ANGPT1: variants seen among roughly 807,000 people sequenced by gnomAD.
ANGPT1 encodes angiopoietin-1.
ANGPT1 carries 17 observed loss-of-function variants against 62.2 expected under a neutral mutation model. The observed-to-expected ratio is 0.27, with a 90% CI of 0.19 to 0.41. The LOEUF (loss-of-function observed/expected upper bound fraction) is 0.41. ANGPT1 is among the 10% of genes least tolerant of loss of function. The probability of loss-of-function intolerance (pLI) is 1.00; values close to 1 mark genes in which losing one functional copy is unlikely to be tolerated. For missense variants in ANGPT1, 478 were observed against 594.9 expected (o/e 0.80, Z 2.04); for synonymous variants, 199 against 198.9 (o/e 1.00, Z 0.00).
At chr8:107,347,842 C>A (rs1235278241) in intron 1 of ANGPT1, among the ~76,000 whole-genome samples, 1 of 152,068 alleles carries the variant, frequency 6.6e-6, no homozygotes, top group Non-Finnish European at 1.5e-5. Flanking sequence ...AATATTTAGT[C>A]CTTTATGGTG....
chr8:107,416,950 T>C (rs1416521063), intron 1 of ANGPT1, among the ~76,000 whole-genome samples: 1 of 151,822 alleles, frequency 6.6e-6, no homozygotes, highest in African/African-American at 2.4e-5. Context: ...CGCCACCATC[T>C]TGGCTAATTT....
intron 3 of ANGPT1, among the ~76,000 whole-genome samples, chr8:107,331,856 T>C (rs1815429090): frequency 6.6e-6 from 1 of 152,138 alleles, no homozygotes. Context: ...CTCAGCACAA[T>C]CAAGAAAGCC....
intron 5 of ANGPT1, 80 bp downstream of exon 5, chr8:107,303,160 A>G: frequency 1.3e-6 from 2 of 1,502,096 alleles, no homozygotes; most frequent in Non-Finnish European, 9.2e-7. Flanking sequence ...CAGTTTAACA[A>G]GCTCACAAAT....
intron 5 of ANGPT1, among the ~76,000 whole-genome samples, chr8:107,299,486 A>G (rs1262259676): frequency 2.1e-5 from 3 of 143,596 alleles, no homozygotes; most frequent in African/African-American, 5.0e-5. Flanking sequence ...AAGCATATAT[A>G]TACTAAGCAT....
chr8:107,346,545 C>T (rs996555754), intron 2 of ANGPT1, among the ~76,000 whole-genome samples: 1 of 152,114 alleles, frequency 6.6e-6, no homozygotes, highest in African/African-American at 2.4e-5. Flanking sequence ...ATGCACAAAC[C>T]GTCTGCAGGT....
intron 1 of ANGPT1, among the ~76,000 whole-genome samples, chr8:107,471,632 T>C (rs1812361113): frequency 6.6e-6 from 1 of 152,122 alleles, no homozygotes; most frequent in Non-Finnish European, 1.5e-5. Context: ...TATTTCAGTA[T>C]GATTTTAAAG....
At chr8:107,296,104 C>A (rs1814408807) in intron 5 of ANGPT1, among the ~76,000 whole-genome samples, 1 of 152,018 alleles carries the variant, frequency 6.6e-6, no homozygotes, top group Admixed American at 6.6e-5. Flanking sequence ...GAATAATCTG[C>A]TTAAAAGCAT....
At chr8:107,459,285 C>A (rs1475560818) in intron 1 of ANGPT1, among the ~76,000 whole-genome samples, 4 of 152,118 alleles carry the variant, frequency 2.6e-5, no homozygotes, top group Non-Finnish European at 5.9e-5. Context: ...CACAGTGGCT[C>A]ACGCTTGTAA....
At chr8:107,472,532 C>G in intron 1 of ANGPT1, among the ~76,000 whole-genome samples, 1 of 152,112 alleles carries the variant, frequency 6.6e-6, no homozygotes, top group East Asian at 1.9e-4. Flanking sequence ...GGGTACCGTT[C>G]TTAAGAAAAA....
intron 1 of ANGPT1, among the ~76,000 whole-genome samples, chr8:107,419,417 A>T (rs1176585612): frequency 2.0e-5 from 3 of 152,118 alleles, no homozygotes; most frequent in Non-Finnish European, 2.9e-5. Context: ...ATCTGCATAA[A>T]CAGGTTTTGC....
At chr8:107,253,499 C>T (rs1471976584) in intron 8 of ANGPT1, among the ~76,000 whole-genome samples, 1 of 152,128 alleles carries the variant, frequency 6.6e-6, no homozygotes, top group Non-Finnish European at 1.5e-5. Context: ...TTTAACTTTT[C>T]TCCTCCTTTT....
chr8:107,361,135 T>C (rs1407577489), intron 1 of ANGPT1, among the ~76,000 whole-genome samples: 4 of 152,114 alleles, frequency 2.6e-5, no homozygotes, highest in Admixed American at 2.0e-4. Context: ...CAAGCAAATA[T>C]GGATTCTAAC....
chr8:107,260,938 C>A (rs1385959932), intron 8 of ANGPT1, among the ~76,000 whole-genome samples: 2 of 152,030 alleles, frequency 1.3e-5, no homozygotes, highest in East Asian at 3.9e-4. Flanking sequence ...CATTGAAAAC[C>A]AAGATGTACA....
intron 8 of ANGPT1, among the ~76,000 whole-genome samples, chr8:107,260,305 C>T (rs1192533545): frequency 1.3e-5 from 2 of 152,030 alleles, no homozygotes; most frequent in Admixed American, 6.5e-5. Flanking sequence ...TTATTTTACT[C>T]TTAATCCCTT....
chr8:107,304,219 T>C (rs1410363332), intron 4 of ANGPT1, among the ~76,000 whole-genome samples: 12 of 151,786 alleles, frequency 7.9e-5, no homozygotes, highest in African/African-American at 2.9e-4. Context: ...TTATTTTATT[T>C]ACTGAGCTTT....
At chr8:107,271,122 A>C (rs1305104769) in intron 7 of ANGPT1, among the ~76,000 whole-genome samples, 1 of 152,030 alleles carries the variant, frequency 6.6e-6, no homozygotes, top group African/African-American at 2.4e-5. Flanking sequence ...GGCTTCTGCA[A>C]ATTAAGGCTG....
At chr8:107,382,105 A>G (rs937362792) in intron 1 of ANGPT1, among the ~76,000 whole-genome samples, 1 of 152,174 alleles carries the variant, frequency 6.6e-6, no homozygotes, top group African/African-American at 2.4e-5. Context: ...TGCTACTTTT[A>G]ATGGCAAAAC....
chr8:107,310,568 A>G (rs1022964743), intron 4 of ANGPT1, among the ~76,000 whole-genome samples: 3 of 152,144 alleles, frequency 2.0e-5, no homozygotes, highest in Non-Finnish European at 4.4e-5. Context: ...GGGAAAAGAG[A>G]GAGGAGGCAG....
intron 3 of ANGPT1, among the ~76,000 whole-genome samples, chr8:107,335,211 C>A (rs1419180502): frequency 6.6e-6 from 1 of 152,146 alleles, no homozygotes; most frequent in Non-Finnish European, 1.5e-5. Context: ...AGTCTCTGTT[C>A]CCTCACTTGT....
Sources: gnomAD v4.1 joint callset for allele counts (sites outside exome capture counted in the v4.1 genomes callset) on GRCh38, gnomAD v4.1.1 for gene constraint, MANE v1.5 for transcripts, NCBI Gene and HGNC (gene_info 2026-07-23, HGNC 2026-07-21) for gene names.